The following ERC2 variants were observed in gnomAD, a reference collection of about 807,000 sequenced individuals.
ERC2 encodes ERC protein 2.
In ERC2, 42 loss-of-function variants were observed where a neutral mutation model predicts 114.8. The observed-to-expected ratio is 0.37, with a 90% CI of 0.29 to 0.47. The LOEUF is 0.47. Ranked by LOEUF, ERC2 falls within the 20% of genes least tolerant of loss-of-function variation. The pLI is 0.99. For missense variants in ERC2, 939 were observed against 1,150.7 expected, an observed-to-expected ratio of 0.82 and a Z score of 2.66; for synonymous variants, 454 against 425.5, an observed-to-expected ratio of 1.07 and a Z score of -0.82.
intron 17 of ERC2, among the ~76,000 whole-genome samples, chr3:55,582,219 T>G (rs2057298762): frequency 6.6e-6 from 1 of 152,250 alleles, no homozygotes; most frequent in Non-Finnish European, 1.5e-5. Context: ...CAGAGTTTAT[T>G]GTGAACTCTG....
chr3:55,990,750 T>C (rs899291888), intron 11 of ERC2, among the ~76,000 whole-genome samples: 11 of 152,334 alleles, frequency 7.2e-5, no homozygotes, highest in Middle Eastern at 3.4e-3. Context: ...TTGTTCATAA[T>C]GATATACATG....
chr3:55,603,441 G>A (rs1284351703), intron 17 of ERC2, among the ~76,000 whole-genome samples: 2 of 152,062 alleles, frequency 1.3e-5, no homozygotes, highest in African/African-American at 4.8e-5. Flanking sequence ...GACCATCCTG[G>A]CTAACATGGT....
intron 17 of ERC2, among the ~76,000 whole-genome samples, chr3:55,605,455 A>C (rs192168988): frequency 6.0e-4 from 92 of 152,352 alleles, no homozygotes; most frequent in Non-Finnish European, 1.2e-3. Context: ...TGTAAAATAC[A>C]ATCATTCATT....
chr3:55,979,288 G>A (rs1230223939), intron 12 of ERC2, among the ~76,000 whole-genome samples: 1 of 152,216 alleles, frequency 6.6e-6, no homozygotes, highest in Non-Finnish European at 1.5e-5. Flanking sequence ...TGGCTGGTGA[G>A]AGACTATTTC....
chr3:56,009,551 G>A (rs2072755829), intron 9 of ERC2, among the ~76,000 whole-genome samples: 1 of 152,172 alleles, frequency 6.6e-6, no homozygotes, highest in South Asian at 2.1e-4. Flanking sequence ...AGATAACTGT[G>A]CTGTGGTACC....
At chr3:55,579,788 G>A (rs968197459) in intron 17 of ERC2, among the ~76,000 whole-genome samples, 1 of 152,158 alleles carries the variant, frequency 6.6e-6, no homozygotes, top group African/African-American at 2.4e-5. Flanking sequence ...CTGCGCACTC[G>A]GCTCATGATT....
chr3:55,832,555 T>A (rs2060653461), intron 14 of ERC2, among the ~76,000 whole-genome samples: 1 of 152,282 alleles, frequency 6.6e-6, no homozygotes. Flanking sequence ...GTCCTGTGTG[T>A]TAGAAGGAAA....
intron 14 of ERC2, among the ~76,000 whole-genome samples, chr3:55,736,039 T>C (rs1377853146): frequency 1.3e-5 from 2 of 152,148 alleles, no homozygotes; most frequent in Admixed American, 1.3e-4. Context: ...TTATCTAAAC[T>C]CATGCACTAC....
At chr3:55,845,926 G>A (rs902101898) in intron 14 of ERC2, among the ~76,000 whole-genome samples, 2 of 152,210 alleles carry the variant, frequency 1.3e-5, no homozygotes, top group Non-Finnish European at 2.9e-5. Flanking sequence ...AAAGTTATAA[G>A]GAATATCCCA....
intron 3 of ERC2, among the ~76,000 whole-genome samples, chr3:56,200,015 G>A (rs1181818616): frequency 6.6e-6 from 1 of 152,118 alleles, no homozygotes; most frequent in South Asian, 2.1e-4. Context: ...TAGGATGTGT[G>A]GGTATGAGGA....
intron 1 of ERC2, among the ~76,000 whole-genome samples, chr3:56,463,273 G>A (rs1050045065): frequency 1.3e-5 from 2 of 152,148 alleles, no homozygotes. Flanking sequence ...TATCTTCATT[G>A]TTGTAGTTGG....
At position 55,953,779 on chromosome 3, in the gene ERC2, GTGAAAAAA is replaced by G. The variant is rs2067742226; in HGVS notation, c.2268-3227_2268-3220del. 2.6e-5 allele frequency among the ~76,000 whole-genome samples: 4 copies of G among 152,128 alleles called. No homozygotes were observed. In the South Asian group the frequency reaches 8.3e-4, roughly 32 times the overall value. ...GAGAAAATGCCCTCACAGATGCTCAGTGAAAAAATGACCACAGTGATTTTTGCTAGCAA... is the reference window on the plus strand; with the variant it reads ...GAGAAAATGCCCTCACAGATGCTCAGTGACCACAGTGATTTTTGCTAGCAA... On this transcript the variant is annotated intron_variant, in intron 12 of 17. Transcript: ENST00000288221.
intron 13 of ERC2, among the ~76,000 whole-genome samples, chr3:55,897,122 T>A (rs1394941099): frequency 6.6e-6 from 1 of 152,234 alleles, no homozygotes; most frequent in Non-Finnish European, 1.5e-5. Flanking sequence ...GTTTAAGACC[T>A]TAAATCATTA....
chr3:56,169,580 G>A (rs13100274), intron 4 of ERC2, among the ~76,000 whole-genome samples: 71,297 of 151,954 alleles, frequency 0.47, 16,996 homozygotes, highest in East Asian at 0.69. Flanking sequence ...ACAAGATAAG[G>A]GATGGAATGA....
At position 56,311,268 on chromosome 3, in the gene ERC2, TATATATATATATATATATATATAC is replaced by T. The variant is rs1430634519; in HGVS notation, c.658-14857_658-14834del. ...CTCTCTCTCTCTCTATATATATATA[TATATATATATATATATATATATAC>T]ACACATATATATAATTTTTTTTTTT... is the stretch of plus-strand genomic sequence containing the variant. On this transcript the variant is annotated intron_variant, in intron 2 of 17. Coordinates refer to ENST00000288221, the MANE Select transcript of ERC2 (RefSeq NM_015576.3). 6.4e-4 allele frequency among the ~76,000 whole-genome samples: 81 copies of T among 127,416 alleles called. 2 individuals carry two copies. Among genetic ancestry groups the T allele is most frequent in the African/African-American group, 2.3e-3 (77 of 33,048 alleles). The allele number at this position is 127,416 out of a possible 152,430, so 83.6% of individuals were successfully genotyped here.
intron 13 of ERC2, among the ~76,000 whole-genome samples, chr3:55,935,417 C>T (rs576646738): frequency 6.6e-6 from 1 of 152,146 alleles, no homozygotes; most frequent in Non-Finnish European, 1.5e-5. Flanking sequence ...TTTAGTGTTC[C>T]CTGCATGGAG....
At chr3:55,593,023 A>C (rs1481418933) in intron 17 of ERC2, among the ~76,000 whole-genome samples, 1 of 152,240 alleles carries the variant, frequency 6.6e-6, no homozygotes, top group East Asian at 1.9e-4. Flanking sequence ...GTGTGCCAGA[A>C]CTGAGCAATA....
At chr3:56,463,416 C>A (rs1313179867) in intron 1 of ERC2, among the ~76,000 whole-genome samples, 1 of 152,172 alleles carries the variant, frequency 6.6e-6, no homozygotes, top group Non-Finnish European at 1.5e-5. Context: ...CAAAAACTTC[C>A]ACCTATGCCA....
At chr3:55,828,390 G>A (rs910375221) in intron 14 of ERC2, among the ~76,000 whole-genome samples, 1 of 150,942 alleles carries the variant, frequency 6.6e-6, no homozygotes, top group African/African-American at 2.5e-5. Flanking sequence ...CCAAAGAGTA[G>A]GGGAGAAAAT....
Sources: allele counts gnomAD v4.1 joint callset (sites outside exome capture counted in the v4.1 genomes callset), GRCh38; gene constraint gnomAD v4.1.1; transcripts MANE v1.5; gene names NCBI Gene and HGNC (gene_info 2026-07-23, HGNC 2026-07-21).